UCN3: variants seen among roughly 807,000 people sequenced by gnomAD.
UCN3 encodes the protein urocortin 3.
A neutral mutation model predicts 3.6 loss-of-function variants in UCN3; 3 were observed. That is an observed-to-expected ratio of 0.83 (90% CI 0.38 to 2.15). The LOEUF (loss-of-function observed/expected upper bound fraction) is 2.15, where lower values mean the gene tolerates loss of function less well. Among genes scored for constraint, UCN3 ranks in the 30% most tolerant of loss-of-function variants. The pLI, the probability that UCN3 is intolerant of heterozygous loss-of-function variation, is 0.06. For missense variants in UCN3, 206 were observed against 208.3 expected (o/e 0.99, Z 0.07); for synonymous variants, 100 against 93.2 (o/e 1.07, Z -0.42).
At position 5,367,269 on chromosome 10, in the gene UCN3, A is replaced by T. The variant is rs1339571466; in HGVS notation, c.-7+2039A>T. Among the ~76,000 whole-genome samples, 1 of 152,210 alleles carries T rather than the reference A, an allele frequency of 6.6e-6. No homozygotes were observed. The highest frequency in any genetic ancestry group is 1.5e-5 in the Non-Finnish European group (1 of 68,036). ...CATGTTCAGAAGCCCTCATCTTTCA[A>T]GTGACTCTAGGTACACATGTATGAT... is the stretch of plus-strand genomic sequence containing the variant. On this transcript the variant is annotated intron_variant, in intron 1 of 1. Transcript: ENST00000380433. The surrounding 1 kb of genome is among the most constrained non-coding windows in gnomAD (Gnocchi z 4.3).
In UCN3 at chr10:5,374,316, G is replaced by A; in HGVS notation, c.*110G>A. ...GGTGCTGTCTGCTGGTTTGTGTTTT[G>A]TGGGATCAGTCAGTTTTACAGGTTG... On this transcript the variant is annotated 3_prime_UTR_variant, in exon 2 of 2. Transcript: ENST00000380433. 4.8e-6 allele frequency: 5 copies of A among 1,044,452 alleles called. No homozygotes were observed. The highest frequency in any genetic ancestry group is 2.6e-5 in the East Asian group (1 of 37,920). The allele number at this position is 1,044,452 out of a possible 1,614,324, so 64.7% of individuals were successfully genotyped here.
rs1564442843 is a variant in UCN3 at position 5,370,383 on chromosome 10, A to ATGTGTGTG, written c.-6-3331_-6-3330insGTGTGTGT. On this transcript the variant is annotated intron_variant, in intron 1 of 1. Coordinates refer to ENST00000380433, the MANE Select transcript of UCN3 (RefSeq NM_053049.4). ...TGTATATGCGTGTGTATATGCGTGT[A>ATGTGTGTG]TATGCGTGTGTATATGTGTGTGTAT... is the stretch of plus-strand genomic sequence containing the variant. Among the ~76,000 whole-genome samples, 5 of 22,302 alleles carry ATGTGTGTG rather than the reference A, an allele frequency of 2.2e-4. 1 individual carries two copies. The highest frequency in any genetic ancestry group is 3.4e-4 in the Non-Finnish European group (5 of 14,736). The allele number at this position is 22,302 out of a possible 152,430, so 14.6% of individuals were successfully genotyped here.
intron 1 of UCN3, among the ~76,000 whole-genome samples, chr10:5,370,315 A>G (rs111207945): frequency 3.2e-5 from 1 of 30,896 alleles, no homozygotes; most frequent in African/African-American, 1.7e-4. Flanking sequence ...ATATGCGTGT[A>G]TGTGTGTGTA....
At position 5,374,242 on chromosome 10, in the gene UCN3, A is replaced by AGGGGAGGGGGAGGGGAGGGCGAGG. The variant is rs1831472985; in HGVS notation, c.*40_*41insAGGGGGAGGGGAGGGCGAGGGGGG. On this transcript the variant is annotated 3_prime_UTR_variant, in exon 2 of 2. Coordinates refer to ENST00000380433, the MANE Select transcript of UCN3 (RefSeq NM_053049.4). ...TGGACGGGAGGGCAGCGGGGTGGGG[A>AGGGGAGGGGGAGGGGAGGGCGAGG]GGGGGAGGGGAGGGGGAGGGGAGGG... is the stretch of plus-strand genomic sequence containing the variant. The AGGGGAGGGGGAGGGGAGGGCGAGG allele has an allele frequency of 3.4e-5, 1 of 29,200 alleles. No individual in the cohort carries two copies. The highest frequency in any genetic ancestry group is 5.4e-5 in the Non-Finnish European group (1 of 18,558). 1.8% of individuals were successfully genotyped at this position (29,200 alleles called of 1,614,324 possible). A position where few individuals can be genotyped will look rare whatever the true frequency, so the allele number is the denominator to read the frequency against.
At chr10:5,370,005 G>GTGTGTGTA (rs1831329179) in intron 1 of UCN3, among the ~76,000 whole-genome samples, 1 of 31,616 alleles carries the variant, frequency 3.2e-5, no homozygotes, top group African/African-American at 1.4e-4. Context: ...ATGTGTGTGT[G>GTGTGTGTA]TATGTGTGTG....
At chr10:5,371,065 G>T (rs972898018) in intron 1 of UCN3, among the ~76,000 whole-genome samples, 1 of 149,504 alleles carries the variant, frequency 6.7e-6, no homozygotes, top group African/African-American at 2.5e-5. Flanking sequence ...ATGTATGTAC[G>T]TGTGAGGTGT....
rs1834127068 is a variant in UCN3, at chr10:5,367,347, C to G, written c.-7+2117C>G. 6.6e-6 allele frequency among the ~76,000 whole-genome samples: 1 copy of G among 152,046 alleles called. No homozygotes were observed. Among genetic ancestry groups the G allele is most frequent in the South Asian group, 2.1e-4 (1 of 4,812 alleles). The stretch of plus-strand genomic sequence containing the variant: ...AGTATGCCATATAAAAGATTTTTTC[C>G]TCTGTGATACGTAACAACATGATTT... On this transcript the variant is annotated intron_variant, in intron 1 of 1. Transcript: ENST00000380433. This position sits in a 1 kb window ranked among gnomAD's most constrained non-coding sequence, Gnocchi z 4.3.
In UCN3 at chr10:5,366,238, T is replaced by C. The variant is rs1834116934; in HGVS notation, c.-7+1008T>C. ...TTTCAGTGCTTGGCTCTGCCACAGC[T>C]CCCAGAAGTAACTGTGTCTCTTTAC... On this transcript the variant is annotated intron_variant, in intron 1 of 1. Coordinates refer to ENST00000380433, the MANE Select transcript of UCN3 (RefSeq NM_053049.4). The surrounding 1 kb of genome is among the most constrained non-coding windows in gnomAD (Gnocchi z 4.2). Among the ~76,000 whole-genome samples the C allele has an allele frequency of 6.6e-6, 1 of 152,168 alleles. No homozygotes were observed. Among genetic ancestry groups the C allele is most frequent in the South Asian group, 2.1e-4 (1 of 4,826 alleles).
At chr10:5,370,513 A>ATG (rs1465387671) in intron 1 of UCN3, among the ~76,000 whole-genome samples, 48 of 60,446 alleles carry the variant, frequency 7.9e-4, no homozygotes, top group South Asian at 2.8e-3. Context: ...GCGTGTGTAT[A>ATG]TGTGTGTGTA....
chr10:5,368,465 C>T (rs993067096), intron 1 of UCN3, among the ~76,000 whole-genome samples: 12 of 152,152 alleles, frequency 7.9e-5, no homozygotes, highest in African/African-American at 2.7e-4. Flanking sequence ...CGAACTCAAT[C>T]CCCTGCTCTC....
intron 1 of UCN3, among the ~76,000 whole-genome samples, chr10:5,371,934 A>C (rs1026168880): frequency 2.6e-5 from 4 of 152,156 alleles, no homozygotes; most frequent in African/African-American, 9.7e-5. Flanking sequence ...AAAGCCCTCA[A>C]ATGTAAATAG....
chr10:5,370,365 GC>G, intron 1 of UCN3, among the ~76,000 whole-genome samples: 1 of 60,944 alleles, frequency 1.6e-5, no homozygotes, highest in Non-Finnish European at 2.9e-5. Flanking sequence ...GTGTGTATAT[GC>G]GTGTGTATAT....
Position 5,365,101 on chromosome 10 carries a change from C to A in UCN3, c.-136C>A, listed in dbSNP as rs2132242745. On this transcript the variant is annotated 5_prime_UTR_variant, in exon 1 of 2. Transcript: ENST00000380433. This position sits in a 1 kb window ranked among gnomAD's most constrained non-coding sequence, Gnocchi z 4.4. Reference sequence around the variant, plus strand: ...TATCACAGCCCACTTAGGAACAATACCGGAGAAGCAGGAGCCGAGACCCCG... The same window carrying A: ...TATCACAGCCCACTTAGGAACAATAACGGAGAAGCAGGAGCCGAGACCCCG... The A allele has an allele frequency of 6.6e-6, 1 of 152,504 alleles. No homozygotes were observed. The highest frequency in any genetic ancestry group is 3.4e-3 in the Middle Eastern group (1 of 296). The allele number at this position is 152,504 out of a possible 1,614,324, so 9.4% of individuals were successfully genotyped here.
rs1354148959 is a variant in UCN3 at position 5,370,154 on chromosome 10, T to C, written c.-6-3561T>C. On this transcript the variant is annotated intron_variant, in intron 1 of 1. Transcript: ENST00000380433. ...GTATGTGTGTGTATGCGTGTGTATA[T>C]GTGTGTGTATATGTGTGTGTATATG... Among the ~76,000 whole-genome samples, 145 of 65,702 alleles carry C rather than the reference T, an allele frequency of 2.2e-3. 24 individuals carry two copies. Among genetic ancestry groups the C allele is most frequent in the African/African-American group, 0.012 (135 of 11,154 alleles). 43.1% of individuals were successfully genotyped at this position (65,702 alleles called of 152,430 possible). A position where few individuals can be genotyped will look rare whatever the true frequency, so the allele number is the denominator to read the frequency against.
intron 1 of UCN3, among the ~76,000 whole-genome samples, chr10:5,368,346 C>T (rs1342974836): frequency 6.6e-6 from 1 of 152,162 alleles, no homozygotes; most frequent in Non-Finnish European, 1.5e-5. Flanking sequence ...AGTCCAGGCG[C>T]CTTTCATTTG....
intron 1 of UCN3, among the ~76,000 whole-genome samples, chr10:5,372,715 AATT>A (rs1351891290): frequency 5.1e-5 from 6 of 116,826 alleles, no homozygotes; most frequent in African/African-American, 1.7e-4. Flanking sequence ...ACGCCCAGCT[AATT>A]TTTTTTTTTT....
rs368796712 is a variant in UCN3 at position 5,371,051 on chromosome 10, GTGTA to G, written c.-6-2655_-6-2652del. Reference sequence around the variant, plus strand: ...TGTGCATGTGTCTATATGTATGTGTGTGTATGTATGTACGTGTGAGGTGTGTATG... The same window carrying G: ...TGTGCATGTGTCTATATGTATGTGTGTGTATGTACGTGTGAGGTGTGTATG... On this transcript the variant is annotated intron_variant, in intron 1 of 1. Coordinates refer to ENST00000380433, the MANE Select transcript of UCN3 (RefSeq NM_053049.4). Among the ~76,000 whole-genome samples the G allele has an allele frequency of 5.6e-3, 835 of 150,392 alleles. 25 individuals carry two copies. Among genetic ancestry groups the G allele is most frequent in the African/African-American group, 0.02 (787 of 40,256 alleles).
Position 5,370,430 on chromosome 10 carries a change from TGTATATGC to T in UCN3, c.-6-3282_-6-3275del, listed in dbSNP as rs1831363726. ...GTATATGTGTGTGTGTATATGCGTGTGTATATGCGTGTGTATGTGTGTGTGTATATGTG... is the reference window on the plus strand; with the variant it reads ...GTATATGTGTGTGTGTATATGCGTGTGTGTGTATGTGTGTGTGTATATGTG... On this transcript the variant is annotated intron_variant, in intron 1 of 1. Coordinates refer to ENST00000380433, the MANE Select transcript of UCN3 (RefSeq NM_053049.4). Among the ~76,000 whole-genome samples the T allele has an allele frequency of 1.6e-5, 2 of 125,340 alleles. 1 individual carries two copies. Among genetic ancestry groups the T allele is most frequent in the Non-Finnish European group, 3.3e-5 (2 of 61,064 alleles). The allele number at this position is 125,340 out of a possible 152,430, so 82.2% of individuals were successfully genotyped here.
intron 1 of UCN3, among the ~76,000 whole-genome samples, chr10:5,370,816 TGTGTGTGCGCGCGTGTGTGTGCGC>T (rs1831399637): frequency 9.9e-6 from 1 of 101,506 alleles, no homozygotes; most frequent in Non-Finnish European, 2.0e-5. Context: ...TGTGTGTGCG[TGTGTGTGCGCGCGTGTGTGTGCGC>T]GTGTGTGTGC....
Sources: gnomAD v4.1 joint callset for allele counts (sites outside exome capture counted in the v4.1 genomes callset) on GRCh38, gnomAD v4.1.1 for gene constraint, Gnocchi (gnomAD v3.1) non-coding constraint, MANE v1.5 for transcripts, NCBI Gene and HGNC (gene_info 2026-07-23, HGNC 2026-07-21) for gene names.